The following COL16A1 variants were observed in gnomAD, a reference collection of about 807,000 sequenced individuals.
The protein encoded by COL16A1 is collagen alpha-1(XVI) chain.
In COL16A1, 189 loss-of-function variants were observed where a neutral mutation model predicts 266.3. The ratio of observed to expected loss-of-function variants is 0.71; its 90% CI spans 0.63 to 0.80. The LOEUF is 0.80. Ranked by LOEUF, COL16A1 falls within the 30% of genes least tolerant of loss-of-function variation. The probability of loss-of-function intolerance (pLI) is 0.00; values close to 1 mark genes in which losing one functional copy is unlikely to be tolerated. For synonymous variants in COL16A1, 740 were observed against 782.3 expected (o/e 0.95, Z 0.90); for missense variants, 1,928 against 2,122.4 (o/e 0.91, Z 1.80).
chr1:31,692,158 G>A (rs1644299996), intron 16 of COL16A1, 91 bp from the exon 17 acceptor site: 20 of 1,581,216 alleles, frequency 1.3e-5, no homozygotes, highest in Non-Finnish European at 1.7e-5. Flanking sequence ...CTGCCTTCTA[G>A]ACCCCTGGTC....
chr1:31,654,079 G>T (rs745470198), intron 68 of COL16A1, 36 bp from the exon 69 acceptor site: 2 of 1,584,618 alleles, frequency 1.3e-6, no homozygotes, highest in South Asian at 2.3e-5. Flanking sequence ...ACAGGTCAGA[G>T]GGTCCCCCAG....
Position 31,672,370 on chromosome 1 carries a change from C to G in COL16A1, c.3105+46G>C, listed in dbSNP as rs201701130. ...GCCCCCAAGAGGTCTCAAAGGCAGA[C>G]AGGGCCCCAGCTCCCTTGAGGATGA... is the stretch of plus-strand genomic sequence containing the variant. On this transcript the variant is annotated intron_variant, in intron 47 of 70. Transcript: ENST00000373672. 1.6e-4 allele frequency: 263 copies of G among 1,608,984 alleles called. 4 individuals are homozygous for G. In the Admixed American group the frequency reaches 4.4e-3, roughly 27 times the overall value.
At position 31,681,596 on chromosome 1, in the gene COL16A1, G is replaced by A. The variant is rs116887810; in HGVS notation, c.2539-529C>T. Among the ~76,000 whole-genome samples, 171 of 152,382 alleles carry A rather than the reference G, an allele frequency of 1.1e-3. 3 individuals carry two copies. In the East Asian group the frequency reaches 0.025, roughly 23 times the overall value. On this transcript the variant is annotated intron_variant, in intron 37 of 70. Transcript: ENST00000373672. ...GGGTCACGCCCCTAGCGAGTGTGGG[G>A]CTGAGGAAGGGAAGCCTGCTGGATG...
At chr1:31,684,693 G>A in intron 30 of COL16A1, 63 bp from the exon 31 acceptor site, 1 of 1,607,250 alleles carries the variant, frequency 6.2e-7, no homozygotes, top group Non-Finnish European at 8.5e-7. Flanking sequence ...TGCCCCCCTG[G>A]GACTCGCAGG....
At chr1:31,696,011 C>G in intron 9 of COL16A1, 77 bp downstream of exon 9, 1 of 1,336,306 alleles carries the variant, frequency 7.5e-7, no homozygotes, top group Non-Finnish European at 1.1e-6. Flanking sequence ...GAGTGGAGCA[C>G]CTTATCCCTG....
At chr1:31,677,278 G>A (rs778410166) in intron 42 of COL16A1, among the ~76,000 whole-genome samples, 35 of 152,300 alleles carry the variant, frequency 2.3e-4, no homozygotes, top group Non-Finnish European at 4.1e-4. Flanking sequence ...TAGTAGAGAC[G>A]GGGTTTCGCC....
chr1:31,662,734 G>T, intron 56 of COL16A1, 76 bp from the exon 57 acceptor site: 1 of 1,417,006 alleles, frequency 7.1e-7, no homozygotes, highest in Non-Finnish European at 9.4e-7. Context: ...TGGAGACCAG[G>T]CCCTGGGTCA....
At position 31,672,766 on chromosome 1, in the gene COL16A1, G is replaced by T. The variant is rs1192179859; in HGVS notation, c.2934C>A (p.Asp978Glu). ...GYLVEKGEKG[D>E]QGIPGVPGLD... is the part of the protein sequence containing the mutation. ...GGCCTGGCACACCAGGGATGCCCTG[G>T]TCTCCCTTCTCTCCCTTCTCCACGA... Residue 978 changes from aspartate (D) to glutamate (E), a missense_variant, in exon 45 of 71, where the codon GAC becomes GAA. This residue lies in a region of COL16A1 where 1,552 missense variants were observed against 1,637.2 expected (regional missense o/e 0.95). Transcript: ENST00000373672. 1 of 1,614,176 alleles carries T rather than the reference G, an allele frequency of 6.2e-7. No homozygotes were observed. The highest frequency in any genetic ancestry group is 1.1e-5 in the South Asian group (1 of 91,090).
intron 37 of COL16A1, among the ~76,000 whole-genome samples, chr1:31,681,364 CTG>C (rs1264375484): frequency 6.6e-6 from 1 of 152,278 alleles, no homozygotes; most frequent in East Asian, 1.9e-4. Flanking sequence ...GGTGTGGAAA[CTG>C]AGCCCTGAAG....
intron 30 of COL16A1, 23 bp downstream of exon 30, chr1:31,684,798 C>T (rs367927135): frequency 1.2e-5 from 19 of 1,613,984 alleles, no homozygotes; most frequent in Admixed American, 3.3e-5. Flanking sequence ...TGCCCACCCC[C>T]GTGCCCACGG....
Position 31,652,511 on chromosome 1 carries a change from C to T in COL16A1, c.*140G>A. ...AGGGAAAGGGCAGATAGTTTTGTTTCTTTATTATTTAAAAAATATTAACAG... is the reference window on the plus strand; with the variant it reads ...AGGGAAAGGGCAGATAGTTTTGTTTTTTTATTATTTAAAAAATATTAACAG... On this transcript the variant is annotated 3_prime_UTR_variant, in exon 71 of 71. Transcript: ENST00000373672. This position sits in a 1 kb window ranked among gnomAD's most constrained non-coding sequence, Gnocchi z 4.8. 9.4e-7 allele frequency: 1 copy of T among 1,063,598 alleles called. No individual in the cohort carries two copies. Among genetic ancestry groups the T allele is most frequent in the East Asian group, 3.1e-5 (1 of 32,578 alleles). The allele number at this position is 1,063,598 out of a possible 1,614,324, so 65.9% of individuals were successfully genotyped here.
chr1:31,689,273 G>C, intron 23 of COL16A1, 188 bp from the exon 24 acceptor site: 1 of 948,368 alleles, frequency 1.1e-6, no homozygotes, highest in South Asian at 1.7e-5. Context: ...GAGCGTGGCG[G>C]GGGGAATGAC....
chr1:31,694,104 T>C, intron 12 of COL16A1, 40 bp downstream of exon 12: 1 of 1,587,272 alleles, frequency 6.3e-7, no homozygotes, highest in Non-Finnish European at 8.6e-7. Flanking sequence ...CTGGGGATGC[T>C]AAAGAGGACG....
Position 31,697,182 on chromosome 1 carries a change from A to G in COL16A1, c.738+38T>C. 2 of 1,612,162 alleles carry G rather than the reference A, an allele frequency of 1.2e-6. No individual in the cohort carries two copies. Among genetic ancestry groups the G allele is most frequent in the South Asian group, 2.2e-5 (2 of 91,032 alleles). Reference sequence around the variant, plus strand: ...CCTTCCAGACCCTCATCTCCAGCACAGTGTGTCCCTGGGCAGCCCAAGGGC... The same window carrying G: ...CCTTCCAGACCCTCATCTCCAGCACGGTGTGTCCCTGGGCAGCCCAAGGGC... On this transcript the variant is annotated intron_variant, in intron 7 of 70. Coordinates refer to ENST00000373672, the MANE Select transcript of COL16A1 (RefSeq NM_001856.4). This position sits in a 1 kb window ranked among gnomAD's most constrained non-coding sequence, Gnocchi z 4.2.
intron 26 of COL16A1, among the ~76,000 whole-genome samples, chr1:31,687,943 A>G (rs977493626): frequency 7.2e-5 from 11 of 152,216 alleles, no homozygotes; most frequent in Non-Finnish European, 1.3e-4. Context: ...ACGTTAACAC[A>G]GGCACTGAAA....
chr1:31,668,912 G>A lies in COL16A1; in HGVS notation c.3196-57C>T. 6.6e-7 allele frequency: 1 copy of A among 1,509,172 alleles called. No homozygotes were observed. Among genetic ancestry groups the A allele is most frequent in the South Asian group, 1.2e-5 (1 of 85,092 alleles). The allele number at this position is 1,509,172 out of a possible 1,614,324, so 93.5% of individuals were successfully genotyped here. On this transcript the variant is annotated intron_variant, in intron 49 of 70. Transcript: ENST00000373672. The surrounding 1 kb of genome is among the most constrained non-coding windows in gnomAD (Gnocchi z 5.8). ...AGCCGGCGGTCCCCACCCAGCCCCT[G>A]ACTCCTTCCCCCTGCCCCACTGCCT...
Position 31,696,145 on chromosome 1 carries a change from G to C in COL16A1, c.865-4C>G. On this transcript the variant is annotated splice_region_variant and splice_polypyrimidine_tract_variant and intron_variant, in intron 8 of 70. Transcript: ENST00000373672. ...TTCCCGTCAGCTGGGCATCCACCTGGGCAGACAGAGCAAAGAGAAACCCTT... is the reference window on the plus strand; with the variant it reads ...TTCCCGTCAGCTGGGCATCCACCTGCGCAGACAGAGCAAAGAGAAACCCTT... The C allele has an allele frequency of 1.2e-6, 2 of 1,613,516 alleles. No homozygotes were observed. The highest frequency in any genetic ancestry group is 4.5e-5 in the East Asian group (2 of 44,846).
chr1:31,680,902 C>T lies in COL16A1; in HGVS notation c.2610+3G>A. 6.2e-7 allele frequency: 1 copy of T among 1,614,192 alleles called. No individual in the cohort carries two copies. The highest frequency in any genetic ancestry group is 8.5e-7 in the Non-Finnish European group (1 of 1,180,030). Reference sequence around the variant, plus strand: ...ATATGGGTCACAGGCCCTTGGAACTCACCTTCTCTCCTCGTGGTCCTTTTT... The same window carrying T: ...ATATGGGTCACAGGCCCTTGGAACTTACCTTCTCTCCTCGTGGTCCTTTTT... On this transcript the variant is annotated splice_donor_region_variant and intron_variant, in intron 39 of 70. Transcript: ENST00000373672.
At position 31,655,350 on chromosome 1, in the gene COL16A1, C is replaced by G. The variant is rs374803719; in HGVS notation, c.4254G>C (p.Ser1418=). Residue 1418 remains serine, a synonymous_variant, in exon 67 of 71, where the codon TCG becomes TCC. Coordinates refer to ENST00000373672, the MANE Select transcript of COL16A1 (RefSeq NM_001856.4). ...GCACACCAGGCAAGCCAGGGCTCCC[C>G]GAAGGCCCCGGAGCTCCAGGGTGGC... is the stretch of plus-strand genomic sequence containing the variant. ...ERGHPGAPGP[S]GSPGLPGVPG... 4 of 1,612,914 alleles carry G rather than the reference C, an allele frequency of 2.5e-6. No homozygotes were observed. Among genetic ancestry groups the G allele is most frequent in the Non-Finnish European group, 3.4e-6 (4 of 1,179,538 alleles).
Sources: gnomAD v4.1 joint callset for allele counts (sites outside exome capture counted in the v4.1 genomes callset) on GRCh38, gnomAD v4.1.1 for gene constraint, gnomAD v4.1.1 regional missense constraint, Gnocchi (gnomAD v3.1) non-coding constraint, MANE v1.5 for transcripts, NCBI Gene and HGNC (gene_info 2026-07-23, HGNC 2026-07-21) for gene names.